CAMK4: variants seen among roughly 807,000 people sequenced by gnomAD.
The protein encoded by CAMK4 is calcium/calmodulin dependent protein kinase IV.
Under a neutral mutation model 44.9 loss-of-function variants are expected in CAMK4, and 22 were observed. The ratio of observed to expected loss-of-function variants is 0.49; its 90% CI spans 0.35 to 0.70. CAMK4 has a LOEUF of 0.70. CAMK4 is among the 30% of genes least tolerant of loss of function. The pLI is 0.01. For missense variants in CAMK4, 498 were observed against 586.8 expected (o/e 0.85, Z 1.56); for synonymous variants, 218 against 215.4 (o/e 1.01, Z -0.11).
intron 1 of CAMK4, among the ~76,000 whole-genome samples, chr5:111,237,073 C>G (rs55886158): frequency 0.22 from 32,995 of 152,154 alleles, 3,969 homozygotes; most frequent in Non-Finnish European, 0.28. Context: ...GCTCTTGAGG[C>G]TCTGGTTTCT....
At chr5:111,235,957 T>G (rs898543384) in intron 1 of CAMK4, among the ~76,000 whole-genome samples, 3 of 152,206 alleles carry the variant, frequency 2.0e-5, no homozygotes, top group Non-Finnish European at 4.4e-5. Context: ...GAAGGTCTGC[T>G]GAGCAAGGCA....
chr5:111,249,356 A>G (rs1749375540), intron 1 of CAMK4, among the ~76,000 whole-genome samples: 1 of 152,054 alleles, frequency 6.6e-6, no homozygotes, highest in Admixed American at 6.6e-5. Flanking sequence ...ATTATAAAAT[A>G]TAACTGAAAC....
At chr5:111,255,224 G>C (rs534383712) in intron 1 of CAMK4, among the ~76,000 whole-genome samples, 23 of 152,142 alleles carry the variant, frequency 1.5e-4, no homozygotes, top group Admixed American at 1.4e-3. Flanking sequence ...CCTGGTTCCT[G>C]AGCCTTATAA....
At chr5:111,318,880 G>T (rs1193271932) in intron 1 of CAMK4, among the ~76,000 whole-genome samples, 10 of 152,078 alleles carry the variant, frequency 6.6e-5, no homozygotes, top group Non-Finnish European at 4.4e-5. Context: ...GACAAAGATG[G>T]AAAACAGTAA....
At chr5:111,352,701 G>C (rs556604893) in intron 2 of CAMK4, among the ~76,000 whole-genome samples, 1 of 151,500 alleles carries the variant, frequency 6.6e-6, no homozygotes, top group Admixed American at 6.6e-5. Context: ...GGGAAAGAGA[G>C]AGAAAGAAAG....
At chr5:111,260,036 A>G (rs955420408) in intron 1 of CAMK4, among the ~76,000 whole-genome samples, 1 of 152,232 alleles carries the variant, frequency 6.6e-6, no homozygotes, top group African/African-American at 2.4e-5. Context: ...GGTAAGTTCT[A>G]TAAATTCTTT....
intron 1 of CAMK4, among the ~76,000 whole-genome samples, chr5:111,242,214 T>C (rs1374943720): frequency 6.6e-6 from 1 of 152,148 alleles, no homozygotes; most frequent in Non-Finnish European, 1.5e-5. Context: ...CCTTCACCCC[T>C]TCCCCTAATA....
chr5:111,471,622 A>T (rs375206340), intron 7 of CAMK4, among the ~76,000 whole-genome samples: 23 of 152,228 alleles, frequency 1.5e-4, no homozygotes, highest in African/African-American at 4.8e-4. Flanking sequence ...CTCAGACTAG[A>T]TCCTGTTTGG....
intron 4 of CAMK4, among the ~76,000 whole-genome samples, chr5:111,391,967 C>G (rs1751816484): frequency 6.6e-6 from 1 of 152,180 alleles, no homozygotes; most frequent in South Asian, 2.1e-4. Context: ...ATGAGGCTCT[C>G]TTTCCTCCTG....
intron 1 of CAMK4, among the ~76,000 whole-genome samples, chr5:111,258,202 A>G (rs574981063): frequency 6.6e-6 from 1 of 152,308 alleles, no homozygotes; most frequent in South Asian, 2.1e-4. Flanking sequence ...GGACATTCCA[A>G]TAGTACCTAG....
At chr5:111,382,326 T>C (rs991241673) in intron 4 of CAMK4, among the ~76,000 whole-genome samples, 2 of 152,224 alleles carry the variant, frequency 1.3e-5, no homozygotes, top group Admixed American at 6.5e-5. Flanking sequence ...TTTCAGGGCA[T>C]TGCTATTAGA....
chr5:111,260,331 T>C (rs2112560141), intron 1 of CAMK4, among the ~76,000 whole-genome samples: 1 of 152,294 alleles, frequency 6.6e-6, no homozygotes, highest in East Asian at 1.9e-4. Flanking sequence ...TAGTCTTCAT[T>C]ATACAAACCT....
chr5:111,308,400 T>A (rs1748036070), intron 1 of CAMK4, among the ~76,000 whole-genome samples: 2 of 152,200 alleles, frequency 1.3e-5, no homozygotes, highest in Admixed American at 1.3e-4. Flanking sequence ...GTGGTGGTAA[T>A]AAGGATTACT....
At chr5:111,418,225 C>A (rs1237562159) in intron 5 of CAMK4, among the ~76,000 whole-genome samples, 1 of 152,154 alleles carries the variant, frequency 6.6e-6, no homozygotes, top group African/African-American at 2.4e-5. Flanking sequence ...GCCCCACAAG[C>A]TGCAAAAACC....
chr5:111,326,056 A>G (rs1278811311), intron 1 of CAMK4, among the ~76,000 whole-genome samples: 5 of 152,106 alleles, frequency 3.3e-5, no homozygotes, highest in South Asian at 2.1e-4. Flanking sequence ...AAATAAATAT[A>G]AAAGAAGAGA....
At chr5:111,254,148 T>A (rs1449177481) in intron 1 of CAMK4, among the ~76,000 whole-genome samples, 1 of 152,240 alleles carries the variant, frequency 6.6e-6, no homozygotes, top group Admixed American at 6.5e-5. Context: ...AATTTTACTC[T>A]TAAAAGGTCT....
chr5:111,289,043 G>C (rs1278643478), intron 1 of CAMK4, among the ~76,000 whole-genome samples: 1 of 152,186 alleles, frequency 6.6e-6, no homozygotes, highest in Admixed American at 6.5e-5. Flanking sequence ...GGTGGGAGAG[G>C]AGATGTTGAA....
chr5:111,343,403 C>T (rs1749725261), intron 1 of CAMK4, among the ~76,000 whole-genome samples: 1 of 151,732 alleles, frequency 6.6e-6, no homozygotes, highest in Non-Finnish European at 1.5e-5. Flanking sequence ...TACTCTTTTG[C>T]TTCTCATGTG....
intron 1 of CAMK4, among the ~76,000 whole-genome samples, chr5:111,258,833 T>C (rs1339727239): frequency 1.3e-5 from 2 of 151,928 alleles, no homozygotes; most frequent in African/African-American, 4.8e-5. Context: ...TTACTTTCTG[T>C]TTAACACTTA....
Sources: allele counts gnomAD v4.1 joint callset (sites outside exome capture counted in the v4.1 genomes callset), GRCh38; gene constraint gnomAD v4.1.1; transcripts MANE v1.5; gene names NCBI Gene and HGNC (gene_info 2026-07-23, HGNC 2026-07-21).